The following PGM2L1 variants were observed in gnomAD, a reference collection of about 807,000 sequenced individuals.
The protein encoded by PGM2L1 is phosphoglucomutase 2 like 1.
In PGM2L1, 35 loss-of-function variants were observed where a neutral mutation model predicts 73.4. The observed-to-expected ratio is 0.48, with a 90% confidence interval of 0.36 to 0.63. PGM2L1 has a LOEUF of 0.63. PGM2L1 is among the 30% of genes least tolerant of loss of function. The pLI is 0.00. For synonymous variants in PGM2L1, 225 were observed against 253.8 expected (o/e 0.89, Z 1.08); for missense variants, 570 against 742.0 (o/e 0.77, Z 2.69).
At position 74,389,974 on chromosome 11, in the gene PGM2L1, C is replaced by G. The variant is rs1178348077; in HGVS notation, c.111+8077G>C. Among the ~76,000 whole-genome samples the G allele has an allele frequency of 5.2e-4, 13 of 24,768 alleles. 1 individual carries two copies. In the South Asian group the frequency reaches 9.9e-3, roughly 19 times the overall value. 16.2% of individuals were successfully genotyped at this position (24,768 alleles called of 152,430 possible). On this transcript the variant is annotated intron_variant, in intron 1 of 13. Transcript: ENST00000298198. ...AAAAAAAAAAAAAAAAAAAAATTAG[C>G]CAGGCGTGGTGACGGGCGCCTGTAG...
intron 5 of PGM2L1, among the ~76,000 whole-genome samples, chr11:74,359,392 T>G (rs1338908963): frequency 6.6e-6 from 1 of 151,984 alleles, no homozygotes; most frequent in Non-Finnish European, 1.5e-5. Context: ...ACTTCTGAGC[T>G]TCTCCAAAAA....
chr11:74,376,625 A>T (rs1412885914), intron 1 of PGM2L1, among the ~76,000 whole-genome samples: 1 of 151,928 alleles, frequency 6.6e-6, no homozygotes, highest in Non-Finnish European at 1.5e-5. Context: ...GTATACACAC[A>T]CACATATATA....
rs1476387434 is a variant in PGM2L1 at position 74,371,078 on chromosome 11, GAATA to G, written c.387-96_387-93del. The G allele has an allele frequency of 3.4e-6, 3 of 890,050 alleles. No homozygotes were observed. In the African/African-American group the frequency reaches 5.1e-5, roughly 15 times the overall value. The allele number at this position is 890,050 out of a possible 1,614,324, so 55.1% of individuals were successfully genotyped here. Reference sequence around the variant, plus strand: ...AAATGTTTCATATTATAATTAGTCTGAATAAATAGTATCCTAATATAGCCCTTTC... The same window carrying G: ...AAATGTTTCATATTATAATTAGTCTGAATAGTATCCTAATATAGCCCTTTC... On this transcript the variant is annotated intron_variant, in intron 3 of 13. Coordinates refer to ENST00000298198, the MANE Select transcript of PGM2L1 (RefSeq NM_173582.6).
chr11:74,342,688 A>G (rs773457415), intron 11 of PGM2L1, 38 bp from the exon 12 acceptor site: 2 of 1,462,206 alleles, frequency 1.4e-6, no homozygotes, highest in South Asian at 1.4e-5. Flanking sequence ...TAGATTTCAG[A>G]TAACTCTTTA....
At chr11:74,361,122 G>A (rs903634637) in intron 5 of PGM2L1, among the ~76,000 whole-genome samples, 5 of 152,178 alleles carry the variant, frequency 3.3e-5, no homozygotes, top group East Asian at 1.9e-4. Flanking sequence ...CCTGACCCCC[G>A]AGTAGTGCAA....
intron 6 of PGM2L1, among the ~76,000 whole-genome samples, chr11:74,350,729 T>TA (rs1862336637): frequency 6.6e-6 from 1 of 152,024 alleles, no homozygotes; most frequent in Admixed American, 6.5e-5. Flanking sequence ...ATACAAAAAT[T>TA]AGCCAGGCAT....
At chr11:74,354,420 A>G (rs1862410097) in intron 5 of PGM2L1, 3 of 660,070 alleles carry the variant, frequency 4.5e-6, no homozygotes, top group Non-Finnish European at 5.4e-6. Flanking sequence ...AAGCATCATT[A>G]AAGTCTCCTT....
Position 74,368,525 on chromosome 11 carries a change from G to A in PGM2L1, c.522C>T (p.Ala174=), listed in dbSNP as rs1862697462. The A allele has an allele frequency of 6.2e-7, 1 of 1,613,666 alleles. No homozygotes were observed. Among genetic ancestry groups the A allele is most frequent in the Non-Finnish European group, 8.5e-7 (1 of 1,179,766 alleles). Residue 174 remains alanine, a synonymous_variant, in exon 5 of 14, where the codon GCC becomes GCT. Transcript: ENST00000298198. ...CATTGTCTTCCTTGCGGTTGTGAGA[G>A]GCAGTAATCATCACACCTGCAACTG... is the stretch of plus-strand genomic sequence containing the variant. ...LKAVAGVMIT[A]SHNRKEDNGY...
chr11:74,374,481 T>G lies in PGM2L1; in HGVS notation c.213A>C (p.Gly71=). The G allele has an allele frequency of 6.2e-7, 1 of 1,614,122 alleles. No homozygotes were observed. The highest frequency in any genetic ancestry group is 1.6e-4 in the Middle Eastern group (1 of 6,062). The change falls in exon 2 of 14, where the codon GGA becomes GGC. Residue 71 remains glycine, a synonymous_variant. Coordinates refer to ENST00000298198, the MANE Select transcript of PGM2L1 (RefSeq NM_173582.6). ...ACCCTGCCCCCATGGCAGAACGAAG[T>G]CCTGCAGTCCCAAAAGTCATTCGGC... ...LCCRMTFGTA[G]LRSAMGAGFC... is the part of the protein sequence containing the mutation.
intron 5 of PGM2L1, among the ~76,000 whole-genome samples, chr11:74,366,975 T>C (rs552369224): frequency 1.3e-5 from 2 of 152,202 alleles, no homozygotes; most frequent in African/African-American, 2.4e-5. Flanking sequence ...TAGGTTCAGA[T>C]AGAAGACAAC....
chr11:74,357,701 A>T (rs940116896), intron 5 of PGM2L1, among the ~76,000 whole-genome samples: 1 of 152,256 alleles, frequency 6.6e-6, no homozygotes, highest in African/African-American at 2.4e-5. Flanking sequence ...ATGAAGACTT[A>T]TGTCCATACT....
chr11:74,393,460 C>G (rs1863131975), intron 1 of PGM2L1, among the ~76,000 whole-genome samples: 1 of 152,096 alleles, frequency 6.6e-6, no homozygotes, highest in South Asian at 2.1e-4. Flanking sequence ...AATTCACTCA[C>G]CATCTTTTCT....
intron 1 of PGM2L1, among the ~76,000 whole-genome samples, chr11:74,375,151 C>T (rs185755070): frequency 7.2e-5 from 11 of 152,238 alleles, no homozygotes; most frequent in Middle Eastern, 3.4e-3. Context: ...TCACAGAAAA[C>T]GATTCAATTT....
At chr11:74,368,646 T>G (rs1862700485) in intron 4 of PGM2L1, 71 bp from the exon 5 acceptor site, 1 of 1,243,152 alleles carries the variant, frequency 8.0e-7, no homozygotes. Context: ...GAGAATAATT[T>G]TGATTAAATA....
At position 74,398,196 on chromosome 11, in the gene PGM2L1, G is replaced by A. The variant is rs199833213; in HGVS notation, c.-35C>T. On this transcript the variant is annotated 5_prime_UTR_variant, in exon 1 of 14. Transcript: ENST00000298198. ...ACAGGCGTACGGGCCGGGGGCCGGC[G>A]AAGACACTGAGTTGGGGTGGGGGGT... 4,785 of 1,586,724 alleles carry A rather than the reference G, an allele frequency of 3.0e-3. 19 individuals carry two copies. Among genetic ancestry groups the A allele is most frequent in the Middle Eastern group, 0.028 (166 of 5,934 alleles).
At chr11:74,364,343 T>C (rs988493404) in intron 5 of PGM2L1, among the ~76,000 whole-genome samples, 17 of 152,148 alleles carry the variant, frequency 1.1e-4, no homozygotes, top group Admixed American at 2.6e-4. Context: ...CTATTCAACA[T>C]AGTGTTGGAA....
At position 74,372,611 on chromosome 11, in the gene PGM2L1, G is replaced by A. The variant is rs189167257; in HGVS notation, c.280-794C>T. 2.4e-3 allele frequency among the ~76,000 whole-genome samples: 361 copies of A among 152,120 alleles called. 3 individuals carry two copies. Among genetic ancestry groups the A allele is most frequent in the African/African-American group, 8.3e-3 (346 of 41,504 alleles). On this transcript the variant is annotated intron_variant, in intron 2 of 13. Transcript: ENST00000298198. ...CCTAACACCCTGAAAAGAAAGAAAC[G>A]CAGACACCATTTCTAATTTGGTCTC... is the stretch of plus-strand genomic sequence containing the variant.
intron 5 of PGM2L1, among the ~76,000 whole-genome samples, chr11:74,358,103 T>C (rs1190842426): frequency 6.6e-6 from 1 of 152,218 alleles, no homozygotes; most frequent in African/African-American, 2.4e-5. Context: ...TACGTGTCAT[T>C]ATTCATTTGT....
intron 5 of PGM2L1, among the ~76,000 whole-genome samples, chr11:74,352,508 T>C (rs1027477838): frequency 6.6e-6 from 1 of 152,192 alleles, no homozygotes; most frequent in Non-Finnish European, 1.5e-5. Flanking sequence ...TATTAATTTA[T>C]AGGATTTCAA....
Sources: gnomAD v4.1 joint callset for allele counts (sites outside exome capture counted in the v4.1 genomes callset) on GRCh38, gnomAD v4.1.1 for gene constraint, MANE v1.5 for transcripts, NCBI Gene and HGNC (gene_info 2026-07-23, HGNC 2026-07-21) for gene names.